The following GNG7 variants were observed in gnomAD, a reference collection of about 807,000 sequenced individuals.
The protein encoded by GNG7 is G protein subunit gamma 7.
In GNG7, 1 loss-of-function variant was observed where a neutral mutation model predicts 4.0. The ratio of observed to expected loss-of-function variants is 0.25; its 90% confidence interval spans 0.09 to 1.18. The LOEUF is 1.18. GNG7 is among the 50% of genes most tolerant of loss of function. The pLI is 0.50. For missense variants in GNG7, 86 were observed against 91.9 expected (o/e 0.94, Z 0.26); for synonymous variants, 34 against 36.9 (o/e 0.92, Z 0.29).
chr19:2,652,141 C>CTCTA (rs1332514483), intron 1 of GNG7, among the ~76,000 whole-genome samples: 1 of 151,580 alleles, frequency 6.6e-6, no homozygotes, highest in Non-Finnish European at 1.5e-5. Flanking sequence ...CACTACTGCA[C>CTCTA]TCTAGCCTGG....
intron 2 of GNG7, among the ~76,000 whole-genome samples, chr19:2,632,377 C>T (rs1416228123): frequency 1.3e-5 from 2 of 149,270 alleles, no homozygotes; most frequent in South Asian, 2.1e-4. Context: ...TGCAGTGAGC[C>T]GAGATTATGC....
Position 2,648,872 on chromosome 19 carries a change from GT to G in GNG7, c.-134-2593del, listed in dbSNP as rs573742550. On this transcript the variant is annotated intron_variant, in intron 1 of 4. Transcript: ENST00000382159. ...ATAATCCTTCAACTCTGAATCATGTGTTTTTTTTTTTGTTTTTTGTTTTTTG... is the reference window on the plus strand; with the variant it reads ...ATAATCCTTCAACTCTGAATCATGTGTTTTTTTTTTGTTTTTTGTTTTTTG... Among the ~76,000 whole-genome samples, 23 of 146,604 alleles carry G rather than the reference GT, an allele frequency of 1.6e-4. 1 individual carries two copies. The East Asian group carries it at 1.6e-3, about 10-fold the overall frequency.
At chr19:2,652,611 C>T (rs1383035791) in intron 1 of GNG7, among the ~76,000 whole-genome samples, 1 of 152,058 alleles carries the variant, frequency 6.6e-6, no homozygotes, top group Non-Finnish European at 1.5e-5. Context: ...CAGAGCGAGA[C>T]TCCATCTCAA....
rs1487789657 is a variant in GNG7, at chr19:2,621,543, CAA to C, written c.-78+24679_-78+24680del. Reference sequence around the variant, plus strand: ...ACAAACCTCATCTCTACTAAAAACACAAAGTTAGCCGGGCGTGTTGGTGCGCG... The same window carrying C: ...ACAAACCTCATCTCTACTAAAAACACAGTTAGCCGGGCGTGTTGGTGCGCG... On this transcript the variant is annotated intron_variant, in intron 2 of 4. Coordinates refer to ENST00000382159, the MANE Select transcript of GNG7 (RefSeq NM_052847.3). 8.6e-5 allele frequency among the ~76,000 whole-genome samples: 13 copies of C among 151,528 alleles called. No homozygotes were observed. The South Asian group carries it at 2.7e-3, about 32-fold the overall frequency.
At chr19:2,682,532 A>G (rs976052885) in intron 1 of GNG7, among the ~76,000 whole-genome samples, 7 of 151,458 alleles carry the variant, frequency 4.6e-5, no homozygotes, top group South Asian at 4.2e-4. Flanking sequence ...GCGTGGTGGC[A>G]CGCACCTGTA....
chr19:2,526,876 C>T (rs1321854477), intron 3 of GNG7, among the ~76,000 whole-genome samples: 6 of 132,122 alleles, frequency 4.5e-5, no homozygotes, highest in South Asian at 2.6e-4. Context: ...GAGGGAGTCT[C>T]GCTCTGTCGC....
At chr19:2,652,352 G>A (rs534003436) in intron 1 of GNG7, among the ~76,000 whole-genome samples, 9 of 152,210 alleles carry the variant, frequency 5.9e-5, no homozygotes, top group Admixed American at 2.0e-4. Flanking sequence ...AGGCACGGTG[G>A]CTCATGCCTG....
In GNG7 at chr19:2,698,292, G is replaced by A. The variant is rs145237701; in HGVS notation, c.-135+4354C>T. On this transcript the variant is annotated intron_variant, in intron 1 of 4. Transcript: ENST00000382159. ...AAAAAAAAAAGGACAGGCCGGGCGC[G>A]GTGGCTCACGCCTGTAATCCCAACA... 2.9e-3 allele frequency among the ~76,000 whole-genome samples: 446 copies of A among 151,256 alleles called. 4 individuals are homozygous for A. The highest frequency in any genetic ancestry group is 0.01 in the African/African-American group (425 of 41,142).
Position 2,653,955 on chromosome 19 carries a change from A to C in GNG7, c.-134-7675T>G, listed in dbSNP as rs1459825832. 1.3e-5 allele frequency among the ~76,000 whole-genome samples: 2 copies of C among 152,174 alleles called. No individual in the cohort carries two copies. Among genetic ancestry groups the C allele is most frequent in the Non-Finnish European group, 2.9e-5 (2 of 68,030 alleles). On this transcript the variant is annotated intron_variant, in intron 1 of 4. Coordinates refer to ENST00000382159, the MANE Select transcript of GNG7 (RefSeq NM_052847.3). The surrounding 1 kb of genome is among the most constrained non-coding windows in gnomAD (Gnocchi z 4.8). ...GCCTGCCTCGGCGAGCCCGGGTTCC[A>C]GAAGATGTGCCCAGCACCCTGGGCC...
chr19:2,526,476 ATTT>A (rs1978400712), intron 3 of GNG7, among the ~76,000 whole-genome samples: 1 of 147,656 alleles, frequency 6.8e-6, no homozygotes, highest in Admixed American at 6.8e-5. Flanking sequence ...ATATTTATAT[ATTT>A]TATTATATAT....
At chr19:2,556,127 G>A (rs779012093) in intron 2 of GNG7, among the ~76,000 whole-genome samples, 1 of 152,242 alleles carries the variant, frequency 6.6e-6, no homozygotes, top group Non-Finnish European at 1.5e-5. Context: ...CACCGGCCGA[G>A]GTCATGGGGC....
At chr19:2,583,671 A>G (rs1377744147) in intron 2 of GNG7, among the ~76,000 whole-genome samples, 8 of 152,210 alleles carry the variant, frequency 5.3e-5, no homozygotes, top group Admixed American at 5.2e-4. Context: ...AAGAATTATT[A>G]TGGATAAAAG....
At chr19:2,542,553 G>A (rs1445786066) in intron 3 of GNG7, among the ~76,000 whole-genome samples, 6 of 152,188 alleles carry the variant, frequency 3.9e-5, no homozygotes, top group African/African-American at 7.2e-5. Context: ...TGGAAGCTTC[G>A]CGTCAGACAG....
intron 3 of GNG7, among the ~76,000 whole-genome samples, chr19:2,536,969 C>T (rs8110550): frequency 0.034 from 5,060 of 148,354 alleles, 262 homozygotes; most frequent in African/African-American, 0.12. Flanking sequence ...TTTTTTGAGA[C>T]GGAGTCTCGC....
chr19:2,515,106 T>C lies in GNG7; in HGVS notation c.123A>G (p.Gln41=). ...CCAGCAGGGGGTCGTTCCGGGCATG[T>C]TGCTCACAGTAGCTCATGAGGTCAG... The part of the protein sequence containing the change: ...AASDLMSYCE[Q]HARNDPLLVG... Residue 41 remains glutamine (Q), a synonymous_variant, in exon 5 of 5, where the codon CAA becomes CAG. Transcript: ENST00000382159. 6.2e-7 allele frequency: 1 copy of C among 1,613,970 alleles called. No homozygotes were observed. Among genetic ancestry groups the C allele is most frequent in the Non-Finnish European group, 8.5e-7 (1 of 1,179,920 alleles).
chr19:2,655,856 A>T (rs1436781024), intron 1 of GNG7, among the ~76,000 whole-genome samples: 2 of 143,956 alleles, frequency 1.4e-5, no homozygotes, highest in South Asian at 2.2e-4. Context: ...AAAAAAAAAA[A>T]AAAATACATA....
At chr19:2,587,438 T>A (rs1379775274) in intron 2 of GNG7, among the ~76,000 whole-genome samples, 1 of 152,128 alleles carries the variant, frequency 6.6e-6, no homozygotes, top group Non-Finnish European at 1.5e-5. Context: ...GCTGCTGAGA[T>A]GCAACTGCAA....
At position 2,566,352 on chromosome 19, in the gene GNG7, T is replaced by C. The variant is rs1006819740; in HGVS notation, c.-77-11164A>G. Among the ~76,000 whole-genome samples, 5 of 152,182 alleles carry C rather than the reference T, an allele frequency of 3.3e-5. No homozygotes were observed. In the South Asian group the frequency reaches 6.2e-4, roughly 19 times the overall value. On this transcript the variant is annotated intron_variant, in intron 2 of 4. Transcript: ENST00000382159. ...GAGCTGGGAGTGGCCCTGGGATGGA[T>C]TCTCCCCACTGGCTTCGGAAGAACC... is the stretch of plus-strand genomic sequence containing the variant.
At chr19:2,615,944 C>T (rs2144827639) in intron 2 of GNG7, among the ~76,000 whole-genome samples, 1 of 152,300 alleles carries the variant, frequency 6.6e-6, no homozygotes, top group South Asian at 2.1e-4. Flanking sequence ...CGCCTCCTGT[C>T]CCCTTCAAAT....
Sources: gnomAD v4.1 joint callset for allele counts (sites outside exome capture counted in the v4.1 genomes callset) on GRCh38, gnomAD v4.1.1 for gene constraint, Gnocchi (gnomAD v3.1) non-coding constraint, MANE v1.5 for transcripts, NCBI Gene and HGNC (gene_info 2026-07-23, HGNC 2026-07-21) for gene names.